The following ATAD2B variants were observed in gnomAD, a reference collection of about 807,000 sequenced individuals.
ATAD2B encodes ATPase family AAA domain containing 2B.
Under a neutral mutation model 167.6 loss-of-function variants are expected in ATAD2B, and 40 were observed. The observed-to-expected ratio is 0.24, with a 90% confidence interval of 0.19 to 0.31. The LOEUF (loss-of-function observed/expected upper bound fraction) is 0.31. Among genes scored for constraint, ATAD2B ranks in the 10% least tolerant of loss-of-function variants. ATAD2B has a pLI of 1.00. For synonymous variants in ATAD2B, 579 were observed against 596.5 expected, an observed-to-expected ratio of 0.97 and a Z score of 0.43; for missense variants, 1,242 against 1,757.2, an observed-to-expected ratio of 0.71 and a Z score of 5.24.
rs553016428 is a variant in ATAD2B, at chr2:23,890,317, C to G, written c.369-1918G>C. 8.6e-4 allele frequency among the ~76,000 whole-genome samples: 130 copies of G among 152,006 alleles called. 2 individuals carry two copies. Among genetic ancestry groups the G allele is most frequent in the African/African-American group, 3.1e-3 (127 of 41,414 alleles). The stretch of plus-strand genomic sequence containing the variant: ...AAAAAAATAACAACAAAAATCTAGC[C>G]CCCCCGCCTTTCCTCTAGAAAACAA... On this transcript the variant is annotated intron_variant, in intron 2 of 27. Transcript: ENST00000238789.
intron 13 of ATAD2B, among the ~76,000 whole-genome samples, chr2:23,836,272 G>A (rs1013602387): frequency 2.6e-5 from 4 of 152,198 alleles, no homozygotes; most frequent in African/African-American, 9.7e-5. Flanking sequence ...CTGTGAGGCT[G>A]TGGCTGGACC....
At chr2:23,844,171 C>T (rs867884536) in intron 13 of ATAD2B, among the ~76,000 whole-genome samples, 2 of 152,142 alleles carry the variant, frequency 1.3e-5, no homozygotes, top group Admixed American at 6.5e-5. Context: ...AACTCCTGAC[C>T]TCAGGTGATA....
intron 8 of ATAD2B, chr2:23,872,881 C>A (rs28415308): frequency 2.3e-4 from 183 of 798,270 alleles, no homozygotes; most frequent in African/African-American, 2.1e-3. Flanking sequence ...TCTCACAGTG[C>A]CTGCCTGCCT....
intron 8 of ATAD2B, among the ~76,000 whole-genome samples, chr2:23,874,881 C>A (rs1307927317): frequency 6.7e-6 from 1 of 149,568 alleles, no homozygotes; most frequent in Non-Finnish European, 1.5e-5. Context: ...ACGGTGAAAT[C>A]CCATCTCTAC....
At chr2:23,903,931 G>GGTTGTT (rs1456914277) in intron 1 of ATAD2B, among the ~76,000 whole-genome samples, 3 of 149,014 alleles carry the variant, frequency 2.0e-5, no homozygotes, top group Admixed American at 6.7e-5. Flanking sequence ...AAAAAGTGCC[G>GGTTGTT]GTTGTTGTTG....
At chr2:23,909,996 G>A (rs1702040220) in intron 1 of ATAD2B, among the ~76,000 whole-genome samples, 1 of 151,718 alleles carries the variant, frequency 6.6e-6, no homozygotes, top group Admixed American at 6.6e-5. Flanking sequence ...CCAAGTAGCT[G>A]AGACTACAGG....
intron 18 of ATAD2B, among the ~76,000 whole-genome samples, chr2:23,803,989 T>C (rs562176146): frequency 2.1e-4 from 32 of 152,310 alleles, no homozygotes; most frequent in African/African-American, 7.0e-4. Context: ...TTTAGAGAGA[T>C]ACCTCTGAGT....
chr2:23,682,764 G>T, the ATAD2B span, among the ~76,000 whole-genome samples: 154 of 151,770 alleles, frequency 1.0e-3, 2 homozygotes, highest in East Asian at 0.02. This position sits in a 1 kb window ranked among gnomAD's most constrained non-coding sequence, Gnocchi z 4.1. Context: ...CCCTTGCTCC[G>T]GGTCTGAGCT....
At chr2:23,808,081 T>TTATATATATATATATATATAATTATATA (rs1363658978) in intron 18 of ATAD2B, among the ~76,000 whole-genome samples, 3 of 133,522 alleles carry the variant, frequency 2.2e-5, no homozygotes, top group Non-Finnish European at 3.1e-5. Flanking sequence ...ATATAAGTAA[T>TTATATATATATATATATATAATTATATA]TATATATATA....
chr2:23,905,843 G>C (rs1425695692), intron 1 of ATAD2B, among the ~76,000 whole-genome samples: 1 of 152,076 alleles, frequency 6.6e-6, no homozygotes, highest in Non-Finnish European at 1.5e-5. Flanking sequence ...AAGATACTTA[G>C]CACTAAGGTA....
chr2:23,912,766 A>G (rs1408711214), intron 1 of ATAD2B, among the ~76,000 whole-genome samples: 3 of 152,108 alleles, frequency 2.0e-5, no homozygotes, highest in Non-Finnish European at 2.9e-5. Context: ...CGAAGTAGGC[A>G]GATCACCTGA....
chr2:23,872,505 A>G, intron 8 of ATAD2B: 1 of 800,130 alleles, frequency 1.2e-6, no homozygotes, highest in Non-Finnish European at 2.2e-6. Flanking sequence ...CTATTTCTTC[A>G]TTCCAAAACG....
the ATAD2B span, among the ~76,000 whole-genome samples, chr2:23,723,560 C>T: frequency 6.6e-6 from 1 of 151,430 alleles, no homozygotes; most frequent in Admixed American, 6.6e-5. Flanking sequence ...TAAAAATGGC[C>T]AACAAATATA....
At chr2:23,770,051 T>C (rs1368367319) in intron 22 of ATAD2B, among the ~76,000 whole-genome samples, 12 of 151,676 alleles carry the variant, frequency 7.9e-5, no homozygotes, top group Admixed American at 7.9e-4. Flanking sequence ...AGCTCACATC[T>C]GTAATCCCAG....
intron 19 of ATAD2B, among the ~76,000 whole-genome samples, chr2:23,789,624 A>G (rs918013710): frequency 9.2e-5 from 14 of 152,214 alleles, no homozygotes; most frequent in Admixed American, 3.3e-4. Context: ...AATATGGATT[A>G]GAATCAAAGA....
At chr2:23,868,645 TTG>T (rs755535428) in intron 9 of ATAD2B, among the ~76,000 whole-genome samples, 1 of 152,114 alleles carries the variant, frequency 6.6e-6, no homozygotes, top group Non-Finnish European at 1.5e-5. Flanking sequence ...ATTGAAAAAA[TTG>T]TCTTTCCATT....
chr2:23,847,093 T>C (rs976756484), intron 13 of ATAD2B, among the ~76,000 whole-genome samples: 2 of 113,224 alleles, frequency 1.8e-5, no homozygotes, highest in African/African-American at 6.9e-5. Context: ...TTATGACATA[T>C]AAATATACCT....
chr2:23,730,887 A>G, the ATAD2B span, among the ~76,000 whole-genome samples: 47 of 151,976 alleles, frequency 3.1e-4, no homozygotes, highest in African/African-American at 1.1e-3. Context: ...TACCAAAAAA[A>G]TCCTAGTTTT....
At chr2:23,763,087 G>A (rs896425403) in intron 23 of ATAD2B, among the ~76,000 whole-genome samples, 4 of 152,004 alleles carry the variant, frequency 2.6e-5, no homozygotes, top group Non-Finnish European at 5.9e-5. Context: ...CCTAAAGATA[G>A]ATCAAATTAA....
Sources: gnomAD v4.1 joint callset for allele counts (sites outside exome capture counted in the v4.1 genomes callset) on GRCh38, gnomAD v4.1.1 for gene constraint, Gnocchi (gnomAD v3.1) non-coding constraint, MANE v1.5 for transcripts, NCBI Gene and HGNC (gene_info 2026-07-23, HGNC 2026-07-21) for gene names.